Variants in ABHD2 observed in about 807,000 individuals in gnomAD.
ABHD2 encodes abhydrolase domain containing 2, acylglycerol lipase.
Under a neutral mutation model 48.1 loss-of-function variants are expected in ABHD2, and 20 were observed. The observed-to-expected ratio is 0.42, with a 90% CI of 0.29 to 0.60. The LOEUF (loss-of-function observed/expected upper bound fraction) is 0.60, where lower values mean the gene tolerates loss of function less well. ABHD2 is among the 20% of genes least tolerant of loss of function. The pLI, the probability that ABHD2 is intolerant of heterozygous loss-of-function variation, is 0.24. For missense variants in ABHD2, 405 were observed against 550.9 expected, an observed-to-expected ratio of 0.74 and a Z score of 2.65; for synonymous variants, 209 against 214.2, an observed-to-expected ratio of 0.98 and a Z score of 0.21.
chr15:89,109,891 C>G (rs544462818), intron 1 of ABHD2, among the ~76,000 whole-genome samples: 1 of 152,210 alleles, frequency 6.6e-6, no homozygotes, highest in African/African-American at 2.4e-5. Context: ...CTGCAGATAC[C>G]AAACCCACAG....
At chr15:89,074,847 C>T in the ABHD2 span, among the ~76,000 whole-genome samples, 4 of 152,276 alleles carry the variant, frequency 2.6e-5, no homozygotes, top group East Asian at 1.9e-4. Flanking sequence ...TGCTGAACTC[C>T]GCCATCACTC....
In ABHD2 at chr15:89,106,729, C is replaced by T. The variant is rs1567069368; in HGVS notation, c.-106-6996C>T. Among the ~76,000 whole-genome samples the T allele has an allele frequency of 6.6e-6, 1 of 152,142 alleles. No individual in the cohort carries two copies. The highest frequency in any genetic ancestry group is 1.5e-5 in the Non-Finnish European group (1 of 68,034). On this transcript the variant is annotated intron_variant, in intron 1 of 10. Coordinates refer to ENST00000352732, the MANE Select transcript of ABHD2 (RefSeq NM_152924.5). The surrounding 1 kb of genome is among the most constrained non-coding windows in gnomAD (Gnocchi z 4.2). The stretch of plus-strand genomic sequence containing the variant: ...GCCCATTTCCTCCTTACTTTCTCTC[C>T]AAGGGTGTCATGTTGCCCACATTTA...
chr15:89,076,003 G>A, the ABHD2 span, among the ~76,000 whole-genome samples: 22 of 152,216 alleles, frequency 1.4e-4, no homozygotes, highest in African/African-American at 4.6e-4. Flanking sequence ...TGGAGGAGTA[G>A]AGGAAGAGAG....
At chr15:89,180,255 G>A (rs2051086278) in intron 6 of ABHD2, among the ~76,000 whole-genome samples, 1 of 152,110 alleles carries the variant, frequency 6.6e-6, no homozygotes, top group Non-Finnish European at 1.5e-5. Context: ...AGTGCCTTGG[G>A]GCTTTTTGTG....
rs1040509251 is a variant in ABHD2 at position 89,094,978 on chromosome 15, C to T, written c.-107+6415C>T. Among the ~76,000 whole-genome samples the T allele has an allele frequency of 6.7e-6, 1 of 148,770 alleles. No homozygotes were observed. Among genetic ancestry groups the T allele is most frequent in the Non-Finnish European group, 1.5e-5 (1 of 67,622 alleles). On this transcript the variant is annotated intron_variant, in intron 1 of 10. Transcript: ENST00000352732. This position sits in a 1 kb window ranked among gnomAD's most constrained non-coding sequence, Gnocchi z 4.7. ...ACTCGGGAAGCTGAAGCAGGAGAATCACTTGAACCCGGGAGGCAGAGGTTC... is the reference window on the plus strand; with the variant it reads ...ACTCGGGAAGCTGAAGCAGGAGAATTACTTGAACCCGGGAGGCAGAGGTTC...
At chr15:89,138,223 C>CATGCATGCA in intron 3 of ABHD2, among the ~76,000 whole-genome samples, 1 of 152,356 alleles carries the variant, frequency 6.6e-6, no homozygotes, top group Non-Finnish European at 1.5e-5. Context: ...TGTGCACACA[C>CATGCATGCA]ATGCATGCAC....
chr15:89,090,918 T>A (rs750019110), intron 1 of ABHD2, among the ~76,000 whole-genome samples: 3 of 152,186 alleles, frequency 2.0e-5, no homozygotes, highest in Non-Finnish European at 2.9e-5. Flanking sequence ...TACTTAGTCA[T>A]TCGAATAGGG....
Position 89,186,621 on chromosome 15 carries a change from G to T in ABHD2, c.815+1105G>T, listed in dbSNP as rs990578911. On this transcript the variant is annotated intron_variant, in intron 7 of 10. Transcript: ENST00000352732. The surrounding 1 kb of genome is among the most constrained non-coding windows in gnomAD (Gnocchi z 4.3). Reference sequence around the variant, plus strand: ...TCCATGCCCAAGTTGCTTTTCTTTTGCTTCCCCTCTGTAAATCCTACGTCT... The same window carrying T: ...TCCATGCCCAAGTTGCTTTTCTTTTTCTTCCCCTCTGTAAATCCTACGTCT... Among the ~76,000 whole-genome samples the T allele has an allele frequency of 1.3e-5, 2 of 151,998 alleles. No homozygotes were observed. Among genetic ancestry groups the T allele is most frequent in the Non-Finnish European group, 2.9e-5 (2 of 68,016 alleles).
In ABHD2 at chr15:89,173,150, C is replaced by G. The variant is rs1386148496; in HGVS notation, c.539-2662C>G. 6.6e-6 allele frequency among the ~76,000 whole-genome samples: 1 copy of G among 152,206 alleles called. No homozygotes were observed. Among genetic ancestry groups the G allele is most frequent in the East Asian group, 1.9e-4 (1 of 5,206 alleles). On this transcript the variant is annotated intron_variant, in intron 5 of 10. Transcript: ENST00000352732. The surrounding 1 kb of genome is among the most constrained non-coding windows in gnomAD (Gnocchi z 6.5). ...TTTTATTTGTTGCGTGGTGTAGAAGCTGATATCAGCTAATTGCTCATTGTG... is the reference window on the plus strand; with the variant it reads ...TTTTATTTGTTGCGTGGTGTAGAAGGTGATATCAGCTAATTGCTCATTGTG...
the ABHD2 span, among the ~76,000 whole-genome samples, chr15:89,050,853 G>T: frequency 0.019 from 2,867 of 152,258 alleles, 85 homozygotes; most frequent in African/African-American, 0.065. Context: ...CTGCATGCAG[G>T]CTGGGGATTT....
Position 89,116,524 on chromosome 15 carries a change from G to A in ABHD2, c.194+3G>A. On this transcript the variant is annotated splice_donor_region_variant and intron_variant, in intron 3 of 10. Coordinates refer to ENST00000352732, the MANE Select transcript of ABHD2 (RefSeq NM_152924.5). The surrounding 1 kb of genome is among the most constrained non-coding windows in gnomAD (Gnocchi z 4.6). ...TCCTGTCCTCTTCTGACCAAAGAGTGAGTAGACCTCATGCCCTCTGTATGC... is the reference window on the plus strand; with the variant it reads ...TCCTGTCCTCTTCTGACCAAAGAGTAAGTAGACCTCATGCCCTCTGTATGC... 1 of 1,612,170 alleles carries A rather than the reference G, an allele frequency of 6.2e-7. No homozygotes were observed. Among genetic ancestry groups the A allele is most frequent in the African/African-American group, 1.3e-5 (1 of 74,998 alleles).
chr15:89,096,092 G>C (rs2049609024), intron 1 of ABHD2, among the ~76,000 whole-genome samples: 2 of 152,198 alleles, frequency 1.3e-5, no homozygotes, highest in African/African-American at 4.8e-5. Context: ...GCGAGAAAAG[G>C]AGTGTGAGAA....
chr15:89,143,845 G>T (rs958715101), intron 3 of ABHD2, among the ~76,000 whole-genome samples: 5 of 151,950 alleles, frequency 3.3e-5, no homozygotes, highest in African/African-American at 1.2e-4. Flanking sequence ...CACCCACTAG[G>T]ATAGCTATAG....
intron 10 of ABHD2, 48 bp downstream of exon 10, chr15:89,193,367 C>A: frequency 1.3e-6 from 2 of 1,500,564 alleles, no homozygotes; most frequent in Non-Finnish European, 1.9e-6. Flanking sequence ...CAAGTTGCCA[C>A]AGTAAATTCT....
chr15:89,099,325 C>T (rs2049663625), intron 1 of ABHD2, among the ~76,000 whole-genome samples: 1 of 152,176 alleles, frequency 6.6e-6, no homozygotes, highest in African/African-American at 2.4e-5. Flanking sequence ...TGGCCAGGCT[C>T]AGTGGCTCAT....
chr15:89,087,330 C>T (rs1596049868), upstream of ABHD2: 1 of 152,282 alleles, frequency 6.6e-6, no homozygotes, highest in East Asian at 1.9e-4. This position sits in a 1 kb window ranked among gnomAD's most constrained non-coding sequence, Gnocchi z 5.5. Context: ...AATCGCTCCT[C>T]TCATTTCATC....
In ABHD2 at chr15:89,201,695, A is replaced by G. The variant is rs1392140163; in HGVS notation, c.*6272A>G. On this transcript the variant is annotated 3_prime_UTR_variant, in exon 11 of 11. Coordinates refer to ENST00000352732, the MANE Select transcript of ABHD2 (RefSeq NM_152924.5). The stretch of plus-strand genomic sequence containing the variant: ...TATCCGATGGATTTCGCAATTTAAG[A>G]TTTGTAGTGACTACATCTGTGAAGG... The G allele has an allele frequency of 2.5e-5, 41 of 1,608,276 alleles. No individual in the cohort carries two copies. Among genetic ancestry groups the G allele is most frequent in the Non-Finnish European group, 3.2e-5 (38 of 1,174,800 alleles).
In ABHD2 at chr15:89,137,843, T is replaced by C. The variant is rs1288817662; in HGVS notation, c.195-13834T>C. Among the ~76,000 whole-genome samples the C allele has an allele frequency of 5.3e-5, 8 of 152,342 alleles. No homozygotes were observed. The South Asian group carries it at 8.3e-4, about 16-fold the overall frequency. On this transcript the variant is annotated intron_variant, in intron 3 of 10. Coordinates refer to ENST00000352732, the MANE Select transcript of ABHD2 (RefSeq NM_152924.5). The surrounding 1 kb of genome is among the most constrained non-coding windows in gnomAD (Gnocchi z 4.8). ...CCAAGGTGTTTGTTCCTGAAGCTAA[T>C]GAGGAAGCCCTTTCCCAGCCTCAGC...
At chr15:89,080,911 T>C in the ABHD2 span, among the ~76,000 whole-genome samples, 2 of 152,016 alleles carry the variant, frequency 1.3e-5, no homozygotes, top group African/African-American at 2.4e-5. Context: ...ACAGTATTTG[T>C]CCTCTTGTGA....
Sources: gnomAD v4.1 joint callset for allele counts (sites outside exome capture counted in the v4.1 genomes callset) on GRCh38, gnomAD v4.1.1 for gene constraint, Gnocchi (gnomAD v3.1) non-coding constraint, MANE v1.5 for transcripts, NCBI Gene and HGNC (gene_info 2026-07-23, HGNC 2026-07-21) for gene names.